The following FAM149B1 variants were observed in gnomAD, a reference collection of about 807,000 sequenced individuals.
The protein encoded by FAM149B1 is primary cilium assembly protein FAM149B1.
FAM149B1 carries 56 observed loss-of-function variants against 75.3 expected under a neutral mutation model. The observed-to-expected ratio is 0.74, with a 90% CI of 0.60 to 0.93. FAM149B1 has a LOEUF of 0.93. FAM149B1 is among the 40% of genes least tolerant of loss of function. FAM149B1 has a pLI of 0.00. For synonymous variants in FAM149B1, 259 were observed against 256.1 expected (o/e 1.01, Z -0.11); for missense variants, 639 against 708.4 (o/e 0.90, Z 1.11).
At chr10:73,220,436 C>A (rs868612538) in intron 7 of FAM149B1, among the ~76,000 whole-genome samples, 1 of 152,092 alleles carries the variant, frequency 6.6e-6, no homozygotes, top group South Asian at 2.1e-4. Flanking sequence ...AAAAAGAGAA[C>A]TGAAAACATA....
chr10:73,220,732 G>A (rs992552912), intron 7 of FAM149B1, among the ~76,000 whole-genome samples: 1 of 152,162 alleles, frequency 6.6e-6, no homozygotes, highest in Admixed American at 6.5e-5. Context: ...GGACAGCGGA[G>A]ATCTCTTTCT....
intron 11 of FAM149B1, 51 bp from the exon 12 acceptor site, chr10:73,235,142 C>G: frequency 6.5e-7 from 1 of 1,538,174 alleles, no homozygotes; most frequent in Non-Finnish European, 8.8e-7. Context: ...TAACTACATA[C>G]CACATTACAG....
In FAM149B1 at chr10:73,244,040, A is replaced by G; in HGVS notation, c.*3021A>G. ...GTTTCAATTTTATGAATATATGAAT[A>G]GACAAAATGAATCGAATTACATAAC... On this transcript the variant is annotated 3_prime_UTR_variant, in exon 14 of 14. Coordinates refer to ENST00000242505, the MANE Select transcript of FAM149B1 (RefSeq NM_173348.2). The G allele has an allele frequency of 3.6e-6, 3 of 822,432 alleles. No homozygotes were observed. The highest frequency in any genetic ancestry group is 5.8e-6 in the Non-Finnish European group (3 of 514,528). The allele number at this position is 822,432 out of a possible 1,614,324, so 50.9% of individuals were successfully genotyped here. A position where few individuals can be genotyped will look rare whatever the true frequency, so the allele number is the denominator to read the frequency against.
intron 1 of FAM149B1, 139 bp downstream of exon 1, chr10:73,168,525 T>A (rs1843554637): frequency 9.7e-7 from 1 of 1,029,480 alleles, no homozygotes. Flanking sequence ...TCAGCCCTGC[T>A]GGACCCTGCC....
intron 7 of FAM149B1, among the ~76,000 whole-genome samples, chr10:73,219,658 G>T (rs1043776783): frequency 6.6e-6 from 1 of 152,142 alleles, no homozygotes; most frequent in Non-Finnish European, 1.5e-5. Flanking sequence ...AATGGGAGAA[G>T]AATAGTCTCT....
chr10:73,222,009 A>G (rs1297892495), intron 7 of FAM149B1, among the ~76,000 whole-genome samples: 5 of 152,076 alleles, frequency 3.3e-5, no homozygotes, highest in Non-Finnish European at 7.4e-5. Context: ...TCTCTATTTG[A>G]TATTTTGAAA....
chr10:73,232,282 GTAT>G (rs1248931040), intron 9 of FAM149B1, among the ~76,000 whole-genome samples: 1 of 152,118 alleles, frequency 6.6e-6, no homozygotes, highest in Admixed American at 6.5e-5. Context: ...TTTAGGTGTG[GTAT>G]TATTTTATTT....
intron 5 of FAM149B1, chr10:73,200,766 G>A (rs59670222): frequency 0.13 from 58,369 of 465,352 alleles, 6,015 homozygotes; most frequent in African/African-American, 0.32. Context: ...TTTTATATCA[G>A]TGTTGAGCAG....
Position 73,193,538 on chromosome 10 carries a change from T to A in FAM149B1, c.487T>A (p.Ser163Thr), listed in dbSNP as rs2042727773. 6.4e-7 allele frequency: 1 copy of A among 1,550,910 alleles called. No homozygotes were observed. Residue 163 changes from serine (S) to threonine (T), a missense_variant, in exon 5 of 14, where the codon TCT becomes ACT. Coordinates refer to ENST00000242505, the MANE Select transcript of FAM149B1 (RefSeq NM_173348.2). The part of the protein sequence containing the change: ...EGYRLYPRSP[S>T]AVSASYETTL... ...TTATAGATTGTATCCTAGATCCCCT[T>A]CTGCTGTTTCCGCTTCATATGAAAC...
chr10:73,240,910 G>C (rs2043935018), intron 13 of FAM149B1, 36 bp from the exon 14 acceptor site: 2 of 1,246,240 alleles, frequency 1.6e-6, no homozygotes, highest in Non-Finnish European at 2.3e-6. Context: ...ATCAAACCTA[G>C]ACTGTCTACT....
At chr10:73,176,268 T>G (rs1287307723) in intron 2 of FAM149B1, among the ~76,000 whole-genome samples, 1 of 152,102 alleles carries the variant, frequency 6.6e-6, no homozygotes, top group Non-Finnish European at 1.5e-5. Context: ...CAGGTGGTAA[T>G]GCGAGCCATG....
At chr10:73,195,233 A>C (rs915386532) in intron 5 of FAM149B1, among the ~76,000 whole-genome samples, 1 of 152,156 alleles carries the variant, frequency 6.6e-6, no homozygotes, top group Non-Finnish European at 1.5e-5. Flanking sequence ...GGCTTGTGGT[A>C]GTCTCACCAG....
chr10:73,197,214 G>T (rs914679700), intron 5 of FAM149B1, among the ~76,000 whole-genome samples: 7 of 152,008 alleles, frequency 4.6e-5, no homozygotes, highest in Non-Finnish European at 1.0e-4. Flanking sequence ...TGTTGCCCAG[G>T]CTGGTCTTGA....
intron 5 of FAM149B1, among the ~76,000 whole-genome samples, chr10:73,207,522 C>T (rs1002795324): frequency 6.6e-6 from 1 of 151,960 alleles, no homozygotes; most frequent in Non-Finnish European, 1.5e-5. Flanking sequence ...CGAGACCCCA[C>T]CACTACACTC....
intron 3 of FAM149B1, among the ~76,000 whole-genome samples, chr10:73,179,047 C>G (rs984973945): frequency 1.3e-5 from 2 of 152,140 alleles, no homozygotes; most frequent in African/African-American, 4.8e-5. Context: ...TCACTGCAAC[C>G]TCTGCCTCCC....
At chr10:73,172,093 T>TTAC (rs1843741977) in intron 1 of FAM149B1, among the ~76,000 whole-genome samples, 1 of 110,554 alleles carries the variant, frequency 9.0e-6, no homozygotes, top group African/African-American at 5.4e-5. Flanking sequence ...ATATTTTTTG[T>TTAC]TATCTAATTG....
At chr10:73,196,206 C>T (rs1416824402) in intron 5 of FAM149B1, among the ~76,000 whole-genome samples, 1 of 152,020 alleles carries the variant, frequency 6.6e-6, no homozygotes, top group East Asian at 1.9e-4. Context: ...AGGAGACTTA[C>T]TTTGAGAGGC....
intron 3 of FAM149B1, among the ~76,000 whole-genome samples, chr10:73,187,661 G>C (rs1264347064): frequency 6.6e-6 from 1 of 150,874 alleles, no homozygotes; most frequent in South Asian, 2.1e-4. Context: ...CCCAGGAGGT[G>C]GAGGTTGCTG....
intron 1 of FAM149B1, among the ~76,000 whole-genome samples, chr10:73,169,269 G>C (rs1021646564): frequency 3.3e-5 from 5 of 151,996 alleles, no homozygotes; most frequent in Non-Finnish European, 7.4e-5. Flanking sequence ...AGGTTGCAGT[G>C]AGCAGAGGTC....
Sources: gnomAD v4.1 joint callset for allele counts (sites outside exome capture counted in the v4.1 genomes callset) on GRCh38, gnomAD v4.1.1 for gene constraint, MANE v1.5 for transcripts, NCBI Gene and HGNC (gene_info 2026-07-23, HGNC 2026-07-21) for gene names.